The following LRRC56 variants were observed in gnomAD, a reference collection of about 807,000 sequenced individuals.
LRRC56 encodes leucine-rich repeat-containing protein 56.
In LRRC56, 41 loss-of-function variants were observed where a neutral mutation model predicts 47.8. The observed-to-expected ratio is 0.86, with a 90% CI of 0.67 to 1.11. LRRC56 has a LOEUF of 1.11. Among genes scored for constraint, LRRC56 ranks in the 50% most tolerant of loss-of-function variants. The pLI is 0.00. For synonymous variants in LRRC56, 387 were observed against 311.2 expected (o/e 1.24, Z -2.56); for missense variants, 759 against 704.2 (o/e 1.08, Z -0.88).
At chr11:532,291 C>T in the LRRC56 span, 53 of 475,424 alleles carry the variant, frequency 1.1e-4, no homozygotes, top group South Asian at 1.0e-3. Flanking sequence ...CCGACAAGGG[C>T]CCACAGAGGC....
intron 5 of LRRC56, 83 bp from the exon 6 acceptor site, chr11:544,637 T>G: frequency 7.2e-7 from 1 of 1,398,082 alleles, no homozygotes; most frequent in Non-Finnish European, 1.0e-6. Context: ...GGGCCGGGGG[T>G]GCTGATGCCT....
At chr11:520,478 G>A in the LRRC56 span, among the ~76,000 whole-genome samples, 17 of 152,014 alleles carry the variant, frequency 1.1e-4, no homozygotes, top group Admixed American at 7.9e-4. Flanking sequence ...CACCACGTCC[G>A]GCTCATTTTT....
Position 554,379 on chromosome 11 carries a change from G to C in LRRC56, c.*103G>C. ...TGGGCGGGTGTGTTGGGGGGTGGAAGGAGTGCCTGGCCCTGGGGAGGACCC... is the reference window on the plus strand; with the variant it reads ...TGGGCGGGTGTGTTGGGGGGTGGAACGAGTGCCTGGCCCTGGGGAGGACCC... On this transcript the variant is annotated 3_prime_UTR_variant, in exon 14 of 14. Transcript: ENST00000270115. The C allele has an allele frequency of 9.4e-7, 1 of 1,067,402 alleles. No individual in the cohort carries two copies. Among genetic ancestry groups the C allele is most frequent in the Non-Finnish European group, 1.3e-6 (1 of 797,482 alleles). The allele number at this position is 1,067,402 out of a possible 1,614,324, so 66.1% of individuals were successfully genotyped here.
Position 554,047 on chromosome 11 carries a change from G to A in LRRC56, c.1400G>A (p.Arg467Gln), listed in dbSNP as rs12793222. The change falls in exon 14 of 14, where the codon CGG becomes CAG. Residue 467 changes from arginine to glutamine, a missense_variant. Coordinates refer to ENST00000270115, the MANE Select transcript of LRRC56 (RefSeq NM_198075.4). ...RPRDSGSSSP[R>Q]WSTDLQSRGR... Reference sequence around the variant, plus strand: ...CGAGATTCTGGCAGCAGCTCCCCGCGGTGGTCGACAGACCTGCAGTCCAGG... The same window carrying A: ...CGAGATTCTGGCAGCAGCTCCCCGCAGTGGTCGACAGACCTGCAGTCCAGG... 321,607 of 1,611,440 alleles carry A rather than the reference G, an allele frequency of 0.2. 33,923 individuals are homozygous for A. The highest frequency in any genetic ancestry group is 0.27 in the Admixed American group (16,252 of 59,964).
rs1425805733 is a variant in LRRC56, at chr11:552,775, C to A, written c.1315+73C>A. 6.7e-6 allele frequency: 9 copies of A among 1,341,602 alleles called. No individual in the cohort carries two copies. In the African/African-American group the frequency reaches 1.3e-4, roughly 20 times the overall value. 83.1% of individuals were successfully genotyped at this position (1,341,602 alleles called of 1,614,324 possible). On this transcript the variant is annotated intron_variant, in intron 13 of 13. Transcript: ENST00000270115. ...CCCCACTTCTATAGGGGGGCCCTTA[C>A]CCCAGATCAGATGTGTCAACCTGGC...
the LRRC56 span, among the ~76,000 whole-genome samples, chr11:531,408 A>C: frequency 2.6e-5 from 4 of 152,180 alleles, no homozygotes; most frequent in East Asian, 7.7e-4. Context: ...AGCAGAAGCC[A>C]GGATGACCAC....
chr11:548,051 G>C (rs1852179050), intron 6 of LRRC56, among the ~76,000 whole-genome samples: 1 of 152,006 alleles, frequency 6.6e-6, no homozygotes, highest in Admixed American at 6.6e-5. Context: ...GCTTGAACCT[G>C]GGAGGCAGAG....
the LRRC56 span, among the ~76,000 whole-genome samples, chr11:518,881 G>C: frequency 5.0e-4 from 74 of 147,498 alleles, no homozygotes; most frequent in Middle Eastern, 6.9e-3. Context: ...GCCCTCTGCC[G>C]GCCGCTCTGA....
rs1322978813 is a variant in LRRC56 at position 541,421 on chromosome 11, A to C, written c.178-116A>C. The C allele has an allele frequency of 9.4e-6, 5 of 530,190 alleles. No homozygotes were observed. The highest frequency in any genetic ancestry group is 2.8e-4 in the Middle Eastern group (1 of 3,522). 32.8% of individuals were successfully genotyped at this position (530,190 alleles called of 1,614,324 possible). Reference sequence around the variant, plus strand: ...AGGCCAGGGCCAACATGGCCCAGGCAGGGAAACGTCGGTGCCTGCTCCAGC... The same window carrying C: ...AGGCCAGGGCCAACATGGCCCAGGCCGGGAAACGTCGGTGCCTGCTCCAGC... On this transcript the variant is annotated intron_variant, in intron 4 of 13. Transcript: ENST00000270115. This position sits in a 1 kb window ranked among gnomAD's most constrained non-coding sequence, Gnocchi z 4.1.
the LRRC56 span, among the ~76,000 whole-genome samples, chr11:518,447 C>T: frequency 6.6e-6 from 1 of 152,066 alleles, no homozygotes; most frequent in Non-Finnish European, 1.5e-5. Context: ...TCGCAAAGTG[C>T]TTGGGATTAC....
the LRRC56 span, among the ~76,000 whole-genome samples, chr11:524,627 G>A: frequency 6.6e-6 from 1 of 151,612 alleles, no homozygotes; most frequent in Admixed American, 6.6e-5. Flanking sequence ...GTGAAACTCT[G>A]TCTCAAAAAA....
the LRRC56 span, among the ~76,000 whole-genome samples, chr11:521,047 G>A: frequency 2.0e-5 from 3 of 152,152 alleles, no homozygotes; most frequent in Non-Finnish European, 4.4e-5. Flanking sequence ...CACTGCCACC[G>A]CCAGCGTACT....
Position 554,302 on chromosome 11 carries a change from T to C in LRRC56, c.*26T>C, listed in dbSNP as rs371916422. On this transcript the variant is annotated 3_prime_UTR_variant, in exon 14 of 14. Coordinates refer to ENST00000270115, the MANE Select transcript of LRRC56 (RefSeq NM_198075.4). ...TATAGCCCCCACTGCCAGGCTTCCC[T>C]GTGCTGGGGCCACGACTTGCCCACA... is the stretch of plus-strand genomic sequence containing the variant. 4.8e-6 allele frequency: 7 copies of C among 1,469,132 alleles called. No homozygotes were observed. Among genetic ancestry groups the C allele is most frequent in the African/African-American group, 1.4e-5 (1 of 70,252 alleles). The allele number at this position is 1,469,132 out of a possible 1,614,324, so 91.0% of individuals were successfully genotyped here. A position where few individuals can be genotyped will look rare whatever the true frequency, so the allele number is the denominator to read the frequency against.
At chr11:533,545 G>A (rs397517139), upstream of LRRC56, 58 of 1,613,880 alleles carry the variant, frequency 3.6e-5, no homozygotes, top group Non-Finnish European at 4.7e-5. Context: ...CGTGCAGCCA[G>A]GTCACACTTG....
intron 1 of LRRC56, among the ~76,000 whole-genome samples, chr11:538,395 G>T (rs1851626839): frequency 6.6e-6 from 1 of 152,330 alleles, no homozygotes; most frequent in South Asian, 2.1e-4. Flanking sequence ...TTGGGGTCCT[G>T]CTGTGAGGCC....
Position 538,656 on chromosome 11 carries a change from A to T in LRRC56, c.-363A>T, listed in dbSNP as rs1851636574. ...GACGGGATGGAGAGGATGCATCTTCAGTGTCCACACGTGGTCAACAGATAA... is the reference window on the plus strand; with the variant it reads ...GACGGGATGGAGAGGATGCATCTTCTGTGTCCACACGTGGTCAACAGATAA... On this transcript the variant is annotated 5_prime_UTR_variant, in exon 2 of 14. Transcript: ENST00000270115. 6.6e-6 allele frequency: 1 copy of T among 152,304 alleles called. No homozygotes were observed. The highest frequency in any genetic ancestry group is 1.5e-5 in the Non-Finnish European group (1 of 68,076). 9.4% of individuals were successfully genotyped at this position (152,304 alleles called of 1,614,324 possible).
At position 552,204 on chromosome 11, in the gene LRRC56, C is replaced by T; in HGVS notation, c.1153C>T (p.Leu385Phe). 6.2e-7 allele frequency: 1 copy of T among 1,612,406 alleles called. No homozygotes were observed. The change falls in exon 12 of 14, where the codon CTC becomes TTC. Residue 385 changes from leucine (L) to phenylalanine (F), a missense_variant. Leu to Phe is a conservative substitution (Grantham distance 22). Coordinates refer to ENST00000270115, the MANE Select transcript of LRRC56 (RefSeq NM_198075.4). ...DSSDFLALAGLRAWREHGVRP... is the reference protein window; with the variant it reads ...DSSDFLALAGFRAWREHGVRP... ...CTCTGACTTCCTGGCCTTGGCTGGGCTCAGGGCCTGGAGGGAACATGGCGT... is the reference window on the plus strand; with the variant it reads ...CTCTGACTTCCTGGCCTTGGCTGGGTTCAGGGCCTGGAGGGAACATGGCGT...
the LRRC56 span, among the ~76,000 whole-genome samples, chr11:531,814 G>A: frequency 6.6e-6 from 1 of 152,224 alleles, no homozygotes; most frequent in African/African-American, 2.4e-5. Context: ...GCATGTGAAG[G>A]CCCAGGAGGC....
At chr11:527,343 C>T in the LRRC56 span, among the ~76,000 whole-genome samples, 2 of 152,134 alleles carry the variant, frequency 1.3e-5, no homozygotes, top group African/African-American at 2.4e-5. Flanking sequence ...GTGCTAACCA[C>T]GAGCACCTTG....
Sources: gnomAD v4.1 joint callset for allele counts (sites outside exome capture counted in the v4.1 genomes callset) on GRCh38, gnomAD v4.1.1 for gene constraint, Gnocchi (gnomAD v3.1) non-coding constraint, MANE v1.5 for transcripts, NCBI Gene and HGNC (gene_info 2026-07-23, HGNC 2026-07-21) for gene names.